Variants in BBS9 observed in about 807,000 individuals in gnomAD.
BBS9 encodes Bardet-Biedl syndrome 9, also known as protein PTHB1.
Under a neutral mutation model 117.7 loss-of-function variants are expected in BBS9, and 89 were observed. The observed-to-expected ratio is 0.76, with a 90% CI of 0.64 to 0.90. The LOEUF is 0.90. Ranked by LOEUF, BBS9 falls within the 40% of genes least tolerant of loss-of-function variation. BBS9 has a pLI of 0.00. For missense variants in BBS9, 982 were observed against 1,042.2 expected (o/e 0.94, Z 0.80); for synonymous variants, 379 against 370.9 (o/e 1.02, Z -0.25).
intron 19 of BBS9, among the ~76,000 whole-genome samples, chr7:33,426,208 G>T (rs1209110721): frequency 6.6e-6 from 1 of 152,036 alleles, no homozygotes; most frequent in East Asian, 1.9e-4. Flanking sequence ...CAACAAAGAG[G>T]GTTCTGTAAA....
intron 19 of BBS9, among the ~76,000 whole-genome samples, chr7:33,422,138 G>A (rs1400832680): frequency 3.9e-5 from 6 of 152,080 alleles, no homozygotes. Flanking sequence ...AATATAAATT[G>A]TATGTACGGT....
At chr7:33,218,802 A>G (rs1789568178) in intron 5 of BBS9, among the ~76,000 whole-genome samples, 1 of 152,278 alleles carries the variant, frequency 6.6e-6, no homozygotes, top group South Asian at 2.1e-4. Flanking sequence ...TTGAGAGGTG[A>G]CAGCGTGCTG....
intron 4 of BBS9, among the ~76,000 whole-genome samples, chr7:33,177,271 T>C (rs982857414): frequency 2.0e-5 from 3 of 152,036 alleles, no homozygotes; most frequent in Non-Finnish European, 4.4e-5. Context: ...TTTTGTCTAA[T>C]GGTGTAATTT....
intron 6 of BBS9, among the ~76,000 whole-genome samples, chr7:33,257,866 A>G (rs753597691): frequency 6.6e-6 from 1 of 152,226 alleles, no homozygotes; most frequent in Non-Finnish European, 1.5e-5. Context: ...AAAAAAGAAT[A>G]TGTGTGATAT....
intron 20 of BBS9, among the ~76,000 whole-genome samples, chr7:33,520,995 A>G (rs1305019011): frequency 6.6e-6 from 1 of 151,258 alleles, no homozygotes; most frequent in Non-Finnish European, 1.5e-5. Context: ...ACCAGTCTTT[A>G]TTTTTTTTTG....
intron 9 of BBS9, among the ~76,000 whole-genome samples, chr7:33,291,945 C>G (rs1804134216): frequency 6.6e-6 from 1 of 152,164 alleles, no homozygotes; most frequent in South Asian, 2.1e-4. Context: ...GAACTACCTT[C>G]TCCAGCTGAA....
At chr7:33,573,046 T>C (rs919328573) in intron 21 of BBS9, among the ~76,000 whole-genome samples, 2 of 152,004 alleles carry the variant, frequency 1.3e-5, no homozygotes, top group Non-Finnish European at 2.9e-5. Flanking sequence ...TTTCCCTCTT[T>C]CTTTCTTGTA....
intron 19 of BBS9, among the ~76,000 whole-genome samples, chr7:33,459,679 T>C (rs1431213996): frequency 6.6e-6 from 1 of 152,130 alleles, no homozygotes; most frequent in Non-Finnish European, 1.5e-5. Context: ...GTTTGTCTTA[T>C]ATATCTCTTG....
chr7:33,328,037 G>T (rs924045216), intron 9 of BBS9, among the ~76,000 whole-genome samples: 1 of 152,148 alleles, frequency 6.6e-6, no homozygotes, highest in Non-Finnish European at 1.5e-5. Flanking sequence ...TCAAGTAGGG[G>T]GCTGGATGTA....
chr7:33,363,367 T>G (rs902033230), intron 16 of BBS9, among the ~76,000 whole-genome samples: 7 of 152,180 alleles, frequency 4.6e-5, no homozygotes, highest in Admixed American at 4.6e-4. Context: ...CCTCCCCGAG[T>G]GCTGGGATTA....
intron 11 of BBS9, among the ~76,000 whole-genome samples, chr7:33,341,202 A>AAG (rs1816472957): frequency 6.6e-6 from 1 of 152,102 alleles, no homozygotes; most frequent in East Asian, 1.9e-4. Flanking sequence ...GTTGTAGGGG[A>AAG]AGAGAGAGCA....
chr7:33,392,162 T>A (rs1045708894), intron 19 of BBS9, among the ~76,000 whole-genome samples: 4 of 152,210 alleles, frequency 2.6e-5, no homozygotes, highest in Non-Finnish European at 5.9e-5. Flanking sequence ...AAATATTACC[T>A]GAATCATTTA....
chr7:33,481,021 G>A (rs1255500483), intron 19 of BBS9, among the ~76,000 whole-genome samples: 1 of 152,090 alleles, frequency 6.6e-6, no homozygotes, highest in East Asian at 1.9e-4. Context: ...GGAACTGTGA[G>A]TCAATTAAGC....
At chr7:33,189,809 C>A (rs1319905519) in intron 5 of BBS9, among the ~76,000 whole-genome samples, 1 of 151,342 alleles carries the variant, frequency 6.6e-6, no homozygotes, top group African/African-American at 2.4e-5. Context: ...TCGCTTGAAC[C>A]CAGGAGGCAG....
At chr7:33,367,591 A>G (rs999983257) in intron 16 of BBS9, among the ~76,000 whole-genome samples, 176 bp from the exon 17 acceptor site, 4 of 152,208 alleles carry the variant, frequency 2.6e-5, no homozygotes, top group African/African-American at 4.8e-5. Flanking sequence ...TAAGGCAGAA[A>G]TTTCATTAAT....
chr7:33,622,799 G>T (rs1865471257), intron 21 of BBS9, among the ~76,000 whole-genome samples: 1 of 152,178 alleles, frequency 6.6e-6, no homozygotes, highest in South Asian at 2.1e-4. Context: ...ATATGACAGA[G>T]ATAATATTGC....
chr7:33,358,782 A>G (rs190595483), intron 16 of BBS9, among the ~76,000 whole-genome samples: 18 of 152,030 alleles, frequency 1.2e-4, no homozygotes, highest in African/African-American at 4.3e-4. Context: ...TGGCTAGGAG[A>G]TGCATCTTCA....
chr7:33,271,982 A>G (rs1306051096), intron 7 of BBS9, among the ~76,000 whole-genome samples: 2 of 152,212 alleles, frequency 1.3e-5, no homozygotes, highest in African/African-American at 4.8e-5. Context: ...CAGCAATTCA[A>G]AAATGTCAAA....
chr7:33,355,889 T>A (rs946469703), intron 15 of BBS9, among the ~76,000 whole-genome samples: 2 of 151,730 alleles, frequency 1.3e-5, no homozygotes, highest in Non-Finnish European at 3.0e-5. Context: ...TTATATTTAA[T>A]TTTTTTTAAC....
Sources: gnomAD v4.1 joint callset for allele counts (sites outside exome capture counted in the v4.1 genomes callset) on GRCh38, gnomAD v4.1.1 for gene constraint, MANE v1.5 for transcripts, NCBI Gene and HGNC (gene_info 2026-07-23, HGNC 2026-07-21) for gene names.